Variants in TSBP1 observed in about 807,000 individuals in gnomAD.
The protein encoded by TSBP1 is testis expressed basic protein 1.
A neutral mutation model predicts 68.8 loss-of-function variants in TSBP1; 56 were observed. That is an observed-to-expected ratio of 0.81 (90% CI 0.66 to 1.02). The LOEUF is 1.02. TSBP1 is among the 50% of genes least tolerant of loss of function. TSBP1 has a pLI of 0.00. For missense variants in TSBP1, 502 were observed against 641.2 expected (o/e 0.78, Z 2.34); for synonymous variants, 171 against 208.7 (o/e 0.82, Z 1.56).
At chr6:32,367,531 C>A (rs1773891902) in intron 4 of TSBP1, among the ~76,000 whole-genome samples, 1 of 152,158 alleles carries the variant, frequency 6.6e-6, no homozygotes, top group African/African-American at 2.4e-5. Context: ...TAAATTTCAT[C>A]TTCTTAAATG....
At position 32,333,778 on chromosome 6, in the gene TSBP1, G is replaced by A. The variant is rs1170366573; in HGVS notation, c.472+1659C>T. Among the ~76,000 whole-genome samples, 1 of 152,108 alleles carries A rather than the reference G, an allele frequency of 6.6e-6. No homozygotes were observed. Among genetic ancestry groups the A allele is most frequent in the East Asian group, 1.9e-4 (1 of 5,196 alleles). ...AAAAAGACCATATCTTCACCCAGTGGGCATTGCAGTTAATAATCCTTCACT... is the reference window on the plus strand; with the variant it reads ...AAAAAGACCATATCTTCACCCAGTGAGCATTGCAGTTAATAATCCTTCACT... On this transcript the variant is annotated intron_variant, in intron 14 of 22. Coordinates refer to ENST00000612031, the Ensembl canonical transcript of TSBP1. This position sits in a 1 kb window ranked among gnomAD's most constrained non-coding sequence, Gnocchi z 4.2.
intron 16 of TSBP1, among the ~76,000 whole-genome samples, chr6:32,326,492 G>GA (rs1162179377): frequency 6.6e-6 from 1 of 152,000 alleles, no homozygotes; most frequent in Non-Finnish European, 1.5e-5. Flanking sequence ...TCGTGACACT[G>GA]AAAAAAATAT....
At position 32,338,834 on chromosome 6, in the gene TSBP1, AG is replaced by A. The variant is rs1292616628; in HGVS notation, c.409+144del. On this transcript the variant is annotated intron_variant, in intron 11 of 22. Coordinates refer to ENST00000612031, the Ensembl canonical transcript of TSBP1. The surrounding 1 kb of genome is among the most constrained non-coding windows in gnomAD (Gnocchi z 5.5). ...CTTACAGAGGCACCCCAGTTTATTA[AG>A]ATAAGAATAGGGAATAAACAAGGGG... 1.5e-6 allele frequency: 1 copy of A among 679,338 alleles called. No homozygotes were observed. The highest frequency in any genetic ancestry group is 2.6e-6 in the Non-Finnish European group (1 of 382,792). 42.1% of individuals were successfully genotyped at this position (679,338 alleles called of 1,614,324 possible).
intron 8 of TSBP1, among the ~76,000 whole-genome samples, chr6:32,351,218 T>C (rs1375967237): frequency 6.6e-6 from 1 of 152,190 alleles, no homozygotes; most frequent in Non-Finnish European, 1.5e-5. Context: ...TTAGAAGTGA[T>C]ATGAAAGTCA....
In TSBP1 at chr6:32,310,761, A is replaced by ATATATATATATTTTTTTTTTTTTTTTT; in HGVS notation, c.580+5010_580+5011insAAAAAAAAAAAAAAAAATATATATATA. On this transcript the variant is annotated intron_variant, in intron 19 of 22. Coordinates refer to ENST00000612031, the Ensembl canonical transcript of TSBP1. ...TATATATACATATATATATATATAT[A>ATATATATATATTTTTTTTTTTTTTTTT]TTTTTAATCTTTTTAGAAAGGATAG... 1.1e-3 allele frequency among the ~76,000 whole-genome samples: 160 copies of ATATATATATATTTTTTTTTTTTTTTTT among 144,662 alleles called. 1 individual carries two copies. Among genetic ancestry groups the ATATATATATATTTTTTTTTTTTTTTTT allele is most frequent in the Non-Finnish European group, 1.3e-3 (86 of 66,344 alleles). 94.9% of individuals were successfully genotyped at this position (144,662 alleles called of 152,430 possible).
intron 22 of TSBP1, among the ~76,000 whole-genome samples, chr6:32,295,445 T>G (rs1278076801): frequency 6.6e-6 from 1 of 151,878 alleles, no homozygotes; most frequent in African/African-American, 2.4e-5. Flanking sequence ...TCCTCAAAGA[T>G]TCACTGTTTT....
intron 9 of TSBP1, among the ~76,000 whole-genome samples, chr6:32,345,081 C>T (rs1053555042): frequency 6.6e-6 from 1 of 151,810 alleles, no homozygotes; most frequent in Non-Finnish European, 1.5e-5. Flanking sequence ...GTCTTGAGTT[C>T]CTGGCCTCCA....
chr6:32,327,360 C>T (rs1768336984), intron 16 of TSBP1, among the ~76,000 whole-genome samples: 1 of 151,936 alleles, frequency 6.6e-6, no homozygotes, highest in East Asian at 1.9e-4. Flanking sequence ...TGTGTAGAAC[C>T]AAGTGAATTC....
At chr6:32,328,559 G>C (rs552124023) in intron 16 of TSBP1, among the ~76,000 whole-genome samples, 3 of 152,106 alleles carry the variant, frequency 2.0e-5, no homozygotes, top group African/African-American at 4.8e-5. Context: ...GGGACTACAG[G>C]CATGCGCTAC....
intron 9 of TSBP1, among the ~76,000 whole-genome samples, chr6:32,346,925 G>A (rs1771080720): frequency 6.6e-6 from 1 of 152,144 alleles, no homozygotes; most frequent in South Asian, 2.1e-4. Flanking sequence ...GAGATCTATT[G>A]TATAACATGG....
intron 15 of TSBP1, among the ~76,000 whole-genome samples, chr6:32,331,512 C>G (rs1206210687): frequency 6.6e-6 from 1 of 152,124 alleles, no homozygotes; most frequent in Non-Finnish European, 1.5e-5. Context: ...GTGAAACATT[C>G]CACGGGGGTT....
At chr6:32,327,780 T>A (rs1768407834) in intron 16 of TSBP1, among the ~76,000 whole-genome samples, 1 of 146,600 alleles carries the variant, frequency 6.8e-6, no homozygotes, top group African/African-American at 2.5e-5. Flanking sequence ...TGCCACGAAG[T>A]CTGGCTCATT....
intron 4 of TSBP1, among the ~76,000 whole-genome samples, chr6:32,367,030 T>C (rs1284949138): frequency 6.8e-6 from 1 of 147,766 alleles, no homozygotes; most frequent in African/African-American, 2.5e-5. Flanking sequence ...TCCTCAACTC[T>C]CAGGGATCTA....
Position 32,321,583 on chromosome 6 carries a change from G to A in TSBP1, c.559+1534C>T, listed in dbSNP as rs1284711176. ...GTCTCTGTATTTTTATCTGTGCCGTGAGAATACTTAGCCGATCAGCCTCTT... is the reference window on the plus strand; with the variant it reads ...GTCTCTGTATTTTTATCTGTGCCGTAAGAATACTTAGCCGATCAGCCTCTT... On this transcript the variant is annotated intron_variant, in intron 18 of 22. Transcript: ENST00000612031. The surrounding 1 kb of genome is among the most constrained non-coding windows in gnomAD (Gnocchi z 4.3). 1.3e-5 allele frequency among the ~76,000 whole-genome samples: 2 copies of A among 152,162 alleles called. No individual in the cohort carries two copies. The highest frequency in any genetic ancestry group is 4.8e-5 in the African/African-American group (2 of 41,422).
At chr6:32,355,035 A>G in intron 8 of TSBP1, 89 bp downstream of exon 8, 2 of 1,098,418 alleles carry the variant, frequency 1.8e-6, no homozygotes, top group Non-Finnish European at 2.7e-6. Context: ...TTAATTTTAA[A>G]AACTTTCTTA....
chr6:32,327,989 A>G (rs1768461933), intron 16 of TSBP1, among the ~76,000 whole-genome samples: 1 of 150,666 alleles, frequency 6.6e-6, no homozygotes. Context: ...TATTTTTAGT[A>G]GAGACAGGGT....
chr6:32,326,574 T>C (rs1768242124), intron 16 of TSBP1, among the ~76,000 whole-genome samples: 1 of 152,234 alleles, frequency 6.6e-6, no homozygotes, highest in African/African-American at 2.4e-5. Context: ...ACAATGTGGA[T>C]GCATACATTT....
At chr6:32,360,154 A>T (rs1222005658) in intron 6 of TSBP1, among the ~76,000 whole-genome samples, 1 of 152,126 alleles carries the variant, frequency 6.6e-6, no homozygotes, top group African/African-American at 2.4e-5. Context: ...ATAAAACTGC[A>T]AGTTTGTACC....
Position 32,323,633 on chromosome 6 carries a change from T to A in TSBP1, c.515-19A>T, listed in dbSNP as rs1480526777. 4 of 1,611,150 alleles carry A rather than the reference T, an allele frequency of 2.5e-6. No individual in the cohort carries two copies. Among genetic ancestry groups the A allele is most frequent in the Non-Finnish European group, 3.4e-6 (4 of 1,178,612 alleles). The stretch of plus-strand genomic sequence containing the variant: ...GGACCAGCTGAAAAACAGAGAGGTA[T>A]CTTAGCAACTGTTTTTTCTCCCATG... On this transcript the variant is annotated intron_variant, in intron 16 of 22. Transcript: ENST00000612031.
Sources: allele counts gnomAD v4.1 joint callset (sites outside exome capture counted in the v4.1 genomes callset), GRCh38; gene constraint gnomAD v4.1.1; non-coding constraint Gnocchi (gnomAD v3.1); transcripts MANE v1.5; gene names NCBI Gene and HGNC (gene_info 2026-07-23, HGNC 2026-07-21).